FBXO7: variants seen among roughly 807,000 people sequenced by gnomAD.
The protein encoded by FBXO7 is F-box protein 7, also known as F-box only protein 7.
FBXO7 carries 31 observed loss-of-function variants against 50.2 expected under a neutral mutation model. The observed-to-expected ratio is 0.62, with a 90% CI of 0.46 to 0.83. The LOEUF (loss-of-function observed/expected upper bound fraction) is 0.83. Among genes scored for constraint, FBXO7 ranks in the 40% least tolerant of loss-of-function variants. The probability of loss-of-function intolerance (pLI) is 0.00; values close to 1 mark genes in which losing one functional copy is unlikely to be tolerated. For synonymous variants in FBXO7, 256 were observed against 253.1 expected (o/e 1.01, Z -0.11); for missense variants, 667 against 646.6 (o/e 1.03, Z -0.34).
At chr22:32,496,062 G>C (rs2057572309) in intron 8 of FBXO7, among the ~76,000 whole-genome samples, 1 of 152,226 alleles carries the variant, frequency 6.6e-6, no homozygotes, top group Admixed American at 6.5e-5. Context: ...TTCATAGCTA[G>C]AGAGAAGTAG....
chr22:32,492,865 T>G (rs1228710061), intron 6 of FBXO7: 4 of 555,436 alleles, frequency 7.2e-6, no homozygotes, highest in Non-Finnish European at 9.6e-6. Flanking sequence ...TAAAAAGCAT[T>G]TGTCTTTCCA....
In FBXO7 at chr22:32,475,104, G is replaced by A. The variant is rs1601499729; in HGVS notation, c.102G>A (p.Leu34=). 4 of 1,545,990 alleles carry A rather than the reference G, an allele frequency of 2.6e-6. No homozygotes were observed. Among genetic ancestry groups the A allele is most frequent in the Non-Finnish European group, 1.7e-6 (2 of 1,145,862 alleles). Residue 34 remains leucine (L), a synonymous_variant, in exon 1 of 9, where the codon CTG becomes CTA. Transcript: ENST00000266087. ...GHLRSHLRQS[L]LCTWGYSSNT... ...TGCGCTCGCACCTGAGGCAGTCCCT[G>A]CTGTGCACCTGGGGGTACAGGTACG...
Position 32,485,074 on chromosome 22 carries a change from G to C in FBXO7, c.652G>C (p.Glu218Gln), listed in dbSNP as rs376214763. ...CTTTCATTTCGTTCCCCAGGGCACCGAAGCCAAAGCACTGTCCATGCCGGA... is the reference window on the plus strand; with the variant it reads ...CTTTCATTTCGTTCCCCAGGGCACCCAAGCCAAAGCACTGTCCATGCCGGA... Reference protein sequence around the residue: ...LESGYIPQGTEAKALSMPEKW... With the variant: ...LESGYIPQGTQAKALSMPEKW... Residue 218 changes from glutamate (E) to glutamine (Q), a missense_variant, in exon 4 of 9, where the codon GAA becomes CAA. By Grantham distance (29) the Glu-to-Gln change is conservative. Transcript: ENST00000266087. 6.2e-7 allele frequency: 1 copy of C among 1,614,042 alleles called. No individual in the cohort carries two copies. Among genetic ancestry groups the C allele is most frequent in the Non-Finnish European group, 8.5e-7 (1 of 1,179,972 alleles).
At position 32,498,589 on chromosome 22, in the gene FBXO7, C is replaced by G; in HGVS notation, c.*59C>G. ...GTTTTTGTTTCTAAACTACAGATGT[C>G]AACTCCTTGGGGTGCTGATCTCGAG... On this transcript the variant is annotated 3_prime_UTR_variant, in exon 9 of 9. Transcript: ENST00000266087. The G allele has an allele frequency of 1.9e-6, 3 of 1,551,758 alleles. No homozygotes were observed. The highest frequency in any genetic ancestry group is 2.6e-6 in the Non-Finnish European group (3 of 1,146,122).
At chr22:32,483,077 G>A (rs2145992173) in intron 2 of FBXO7, among the ~76,000 whole-genome samples, 1 of 152,270 alleles carries the variant, frequency 6.6e-6, no homozygotes, top group South Asian at 2.1e-4. Context: ...TTAGAAGTTT[G>A]GTCTTCATTT....
In FBXO7 at chr22:32,485,206, A is replaced by C. The variant is rs2057491317; in HGVS notation, c.784A>C (p.Asn262His). 1.2e-6 allele frequency: 2 copies of C among 1,613,946 alleles called. No individual in the cohort carries two copies. The highest frequency in any genetic ancestry group is 1.7e-6 in the Non-Finnish European group (2 of 1,179,978). Residue 262 changes from asparagine (N) to histidine (H), a missense_variant, in exon 4 of 9, where the codon AAT becomes CAT. Coordinates refer to ENST00000266087, the MANE Select transcript of FBXO7 (RefSeq NM_012179.4). The part of the protein sequence containing the change: ...CVPLGNLIVV[N>H]ATLKINNEIR... ...GCCTTTGGGAAACCTGATTGTTGTA[A>C]ATGGTAATTGGATAGCATAGTCATG...
chr22:32,478,881 C>A (rs923963723), intron 1 of FBXO7, 100 bp from the exon 2 acceptor site: 10 of 1,157,428 alleles, frequency 8.6e-6, no homozygotes, highest in Non-Finnish European at 1.2e-5. Context: ...TCACTTAGTT[C>A]TTCTAGGGTC....
chr22:32,497,024 GTGATGGA>G (rs1026869290), intron 8 of FBXO7, among the ~76,000 whole-genome samples: 2 of 152,228 alleles, frequency 1.3e-5, no homozygotes, highest in African/African-American at 4.8e-5. Flanking sequence ...AAGTGCAGAT[GTGATGGA>G]CCTAGCAAGA....
chr22:32,495,241 T>C (rs576690377), intron 7 of FBXO7, among the ~76,000 whole-genome samples: 1 of 152,342 alleles, frequency 6.6e-6, no homozygotes, highest in Non-Finnish European at 1.5e-5. Flanking sequence ...CCATAGTCCC[T>C]GAGGAATCAC....
rs144859019 is a variant in FBXO7 at position 32,490,708 on chromosome 22, A to G, written c.872-378A>G. 2.2e-4 allele frequency: 36 copies of G among 164,268 alleles called. No homozygotes were observed. In the East Asian group the frequency reaches 6.5e-3, roughly 30 times the overall value. 10.2% of individuals were successfully genotyped at this position (164,268 alleles called of 1,614,324 possible). ...ACATAGTCATCATGCGATAAATGCT[A>G]TTAATTTACCAGGTTCTAAGCGTTA... On this transcript the variant is annotated intron_variant, in intron 5 of 8. Transcript: ENST00000266087.
At chr22:32,484,480 A>T (rs1368807420) in intron 3 of FBXO7, among the ~76,000 whole-genome samples, 1 of 152,190 alleles carries the variant, frequency 6.6e-6, no homozygotes, top group East Asian at 1.9e-4. Context: ...ACAAAGATAC[A>T]GAGTAGTTCG....
chr22:32,485,031 T>C, intron 3 of FBXO7, 37 bp from the exon 4 acceptor site: 1 of 1,613,892 alleles, frequency 6.2e-7, no homozygotes, highest in Non-Finnish European at 8.5e-7. Context: ...GTAACACCTT[T>C]CTTCATTATT....
intron 1 of FBXO7, chr22:32,475,507 G>C (rs752191575): frequency 6.1e-5 from 87 of 1,421,118 alleles, no homozygotes; most frequent in Non-Finnish European, 8.4e-5. Context: ...CTTGGCTTGG[G>C]TTAAACCTTT....
intron 4 of FBXO7, among the ~76,000 whole-genome samples, chr22:32,486,452 C>T (rs1369845309): frequency 6.6e-6 from 1 of 152,032 alleles, no homozygotes; most frequent in Non-Finnish European, 1.5e-5. Context: ...TCCTCCTTGG[C>T]CTCCTGAGTA....
At chr22:32,494,164 T>G (rs971989209) in intron 7 of FBXO7, among the ~76,000 whole-genome samples, 3 of 151,888 alleles carry the variant, frequency 2.0e-5, no homozygotes, top group African/African-American at 7.3e-5. Flanking sequence ...GCTAAAATTT[T>G]TTTTTCTTTT....
At chr22:32,496,216 C>T (rs1279900418) in intron 8 of FBXO7, among the ~76,000 whole-genome samples, 1 of 152,194 alleles carries the variant, frequency 6.6e-6, no homozygotes, top group African/African-American at 2.4e-5. Context: ...TGTGGTGGCT[C>T]ACGCCTGTAA....
intron 1 of FBXO7, chr22:32,475,437 G>C (rs199568840): frequency 4.5e-5 from 73 of 1,606,776 alleles, no homozygotes; most frequent in Middle Eastern, 1.6e-4. Flanking sequence ...AACGGAACCA[G>C]GGAGAGGAGG....
intron 1 of FBXO7, chr22:32,475,498 T>G: frequency 6.7e-7 from 1 of 1,481,990 alleles, no homozygotes; most frequent in Non-Finnish European, 9.3e-7. Flanking sequence ...AATGATGAGC[T>G]TGGCTTGGGT....
intron 2 of FBXO7, among the ~76,000 whole-genome samples, chr22:32,480,153 T>G (rs930582797): frequency 2.0e-5 from 3 of 152,202 alleles, no homozygotes; most frequent in African/African-American, 7.2e-5. Context: ...ATTTGCCTTC[T>G]TCCTACATGG....
Sources: allele counts gnomAD v4.1 joint callset (sites outside exome capture counted in the v4.1 genomes callset), GRCh38; gene constraint gnomAD v4.1.1; transcripts MANE v1.5; gene names NCBI Gene and HGNC (gene_info 2026-07-23, HGNC 2026-07-21).